AAK1: variants seen among roughly 807,000 people sequenced by gnomAD.
The protein encoded by AAK1 is AP2-associated protein kinase 1.
Under a neutral mutation model 116.0 loss-of-function variants are expected in AAK1, and 37 were observed. The observed-to-expected ratio is 0.32, with a 90% CI of 0.25 to 0.42. The LOEUF (loss-of-function observed/expected upper bound fraction) is 0.42. AAK1 is among the 10% of genes least tolerant of loss of function. The pLI is 1.00. For synonymous variants in AAK1, 458 were observed against 439.9 expected (o/e 1.04, Z -0.51); for missense variants, 919 against 1,170.6 (o/e 0.79, Z 3.14).
chr2:69,544,615 C>T, intron 3 of AAK1, 71 bp from the exon 4 acceptor site: 2 of 1,073,258 alleles, frequency 1.9e-6, no homozygotes, highest in Non-Finnish European at 2.8e-6. Context: ...CAGTCAGTTC[C>T]ATTAGCACAG....
rs1674307513 is a variant in AAK1 at position 69,460,256 on chromosome 2, C to T, written c.*15613G>A. On this transcript the variant is annotated 3_prime_UTR_variant, in exon 22 of 22. Coordinates refer to ENST00000409085, the MANE Select transcript of AAK1 (RefSeq NM_014911.5). The stretch of plus-strand genomic sequence containing the variant: ...TAAAGGGACCCAAGTGATTTTTAAG[C>T]TGTATTCTTCCTGCTAGAGAATGAA... The T allele has an allele frequency of 6.6e-6, 1 of 152,606 alleles. No homozygotes were observed. 9.5% of individuals were successfully genotyped at this position (152,606 alleles called of 1,614,324 possible). A position where few individuals can be genotyped will look rare whatever the true frequency, so the allele number is the denominator to read the frequency against.
At chr2:69,484,598 G>A (rs1258266648) in intron 17 of AAK1, among the ~76,000 whole-genome samples, 1 of 152,174 alleles carries the variant, frequency 6.6e-6, no homozygotes, top group Non-Finnish European at 1.5e-5. Context: ...TTCGAGACCA[G>A]CCTGGCCAAC....
intron 8 of AAK1, among the ~76,000 whole-genome samples, chr2:69,529,011 T>C (rs1389445907): frequency 3.3e-5 from 5 of 152,212 alleles, no homozygotes; most frequent in African/African-American, 1.2e-4. Context: ...TGTTAATAAA[T>C]GGAAGAGGCT....
chr2:69,611,912 T>C (rs1207228956), intron 2 of AAK1, among the ~76,000 whole-genome samples: 2 of 152,222 alleles, frequency 1.3e-5, no homozygotes, highest in African/African-American at 2.4e-5. Context: ...CAAAACACTC[T>C]ATGATTCCAT....
At chr2:69,485,963 T>C (rs1157895159) in intron 17 of AAK1, among the ~76,000 whole-genome samples, 1 of 151,908 alleles carries the variant, frequency 6.6e-6, no homozygotes, top group African/African-American at 2.4e-5. Flanking sequence ...CTGGCCTTTT[T>C]TTTTTTTAAG....
chr2:69,466,850 G>C lies in AAK1; in HGVS notation c.*9019C>G, dbSNP rs573668939. ...TGCTCCTACACACAGGGCCAGGCAC[G>C]GACACCTGCTCTACCTGGCACTGGC... On this transcript the variant is annotated 3_prime_UTR_variant, in exon 22 of 22. Transcript: ENST00000409085. 4.1e-6 allele frequency: 4 copies of C among 985,326 alleles called. No homozygotes were observed. In the African/African-American group the frequency reaches 5.2e-5, roughly 13 times the overall value. The allele number at this position is 985,326 out of a possible 1,614,324, so 61.0% of individuals were successfully genotyped here. A position where few individuals can be genotyped will look rare whatever the true frequency, so the allele number is the denominator to read the frequency against.
At chr2:69,619,453 A>T (rs969198501) in intron 2 of AAK1, among the ~76,000 whole-genome samples, 3 of 152,154 alleles carry the variant, frequency 2.0e-5, no homozygotes, top group Admixed American at 1.3e-4. Flanking sequence ...CCTTGATCTT[A>T]TTCATCCATC....
chr2:69,480,907 G>A lies in AAK1; in HGVS notation c.2522C>T (p.Pro841Leu). Residue 841 changes from proline to leucine, a missense_variant, in exon 19 of 22, where the codon CCC becomes CTC. Around this residue, in one of 4 missense-constraint regions of AAK1, gnomAD observed 263 missense variants for 285.5 expected, o/e 0.92. Coordinates refer to ENST00000409085, the MANE Select transcript of AAK1 (RefSeq NM_014911.5). ...TTCCGTCTGAGATGGGAGGCGCTGG[G>A]GAACTGGGGGCTCCAGTCCTGGTAT... Reference protein sequence around the residue: ...SLIPGLEPPVPQRLPSQTESV... With the variant: ...SLIPGLEPPVLQRLPSQTESV... 6.2e-7 allele frequency: 1 copy of A among 1,607,338 alleles called. No homozygotes were observed. The highest frequency in any genetic ancestry group is 8.5e-7 in the Non-Finnish European group (1 of 1,177,500).
chr2:69,635,057 A>G lies in AAK1; in HGVS notation c.163+7821T>C, dbSNP rs146794825. 4.6e-3 allele frequency among the ~76,000 whole-genome samples: 694 copies of G among 152,346 alleles called. 28 individuals are homozygous for G. The highest frequency in any genetic ancestry group is 0.043 in the Admixed American group (664 of 15,302). On this transcript the variant is annotated intron_variant, in intron 2 of 21. Transcript: ENST00000409085. ...ACAGAATGTGAGAAAATATCTGCAAATCATGTATCTGATAAGGAATTGATA... is the reference window on the plus strand; with the variant it reads ...ACAGAATGTGAGAAAATATCTGCAAGTCATGTATCTGATAAGGAATTGATA...
chr2:69,547,298 T>C (rs371229598), intron 3 of AAK1, among the ~76,000 whole-genome samples: 1 of 152,206 alleles, frequency 6.6e-6, no homozygotes, highest in Non-Finnish European at 1.5e-5. Flanking sequence ...GTGTTTCAAA[T>C]GGCACTATTA....
intron 9 of AAK1, among the ~76,000 whole-genome samples, chr2:69,525,897 T>C (rs1361336032): frequency 6.6e-6 from 1 of 151,942 alleles, no homozygotes; most frequent in African/African-American, 2.4e-5. Context: ...AAGACAGTCA[T>C]GTTTGGTTAC....
At chr2:69,587,307 G>GA (rs1672813030) in intron 2 of AAK1, among the ~76,000 whole-genome samples, 1 of 149,356 alleles carries the variant, frequency 6.7e-6, no homozygotes, top group South Asian at 2.1e-4. Context: ...ATATACGCAT[G>GA]TATATATACG....
At chr2:69,584,683 A>G (rs908434674) in intron 2 of AAK1, among the ~76,000 whole-genome samples, 3 of 152,208 alleles carry the variant, frequency 2.0e-5, no homozygotes, top group African/African-American at 7.2e-5. Flanking sequence ...GTGACACACC[A>G]TTGAACTAGA....
At chr2:69,603,955 A>G (rs1673688740) in intron 2 of AAK1, among the ~76,000 whole-genome samples, 1 of 152,202 alleles carries the variant, frequency 6.6e-6, no homozygotes, top group Non-Finnish European at 1.5e-5. Context: ...GTATTTTCCG[A>G]TAATAAGAGA....
chr2:69,640,348 T>C (rs1024839880), intron 2 of AAK1, among the ~76,000 whole-genome samples: 1 of 152,098 alleles, frequency 6.6e-6, no homozygotes, highest in Non-Finnish European at 1.5e-5. Flanking sequence ...TGAGAACCAC[T>C]GCCACAGGGA....
intron 17 of AAK1, among the ~76,000 whole-genome samples, chr2:69,490,947 T>A (rs1225213690): frequency 7.6e-6 from 1 of 130,982 alleles, no homozygotes; most frequent in Non-Finnish European, 1.6e-5. Flanking sequence ...ACACACACAC[T>A]TTTTAAGAGA....
Position 69,475,059 on chromosome 2 carries a change from TG to T in AAK1, c.*809del, listed in dbSNP as rs2104880262. 1.0e-6 allele frequency: 1 copy of T among 979,696 alleles called. No homozygotes were observed. The highest frequency in any genetic ancestry group is 4.8e-5 in the South Asian group (1 of 20,926). 60.7% of individuals were successfully genotyped at this position (979,696 alleles called of 1,614,324 possible). ...TTTGGTCTAATTCTGAGATCCCACTTGGAACAGTTAACATGAAAAGGAATGG... is the reference window on the plus strand; with the variant it reads ...TTTGGTCTAATTCTGAGATCCCACTTGAACAGTTAACATGAAAAGGAATGG... On this transcript the variant is annotated 3_prime_UTR_variant, in exon 22 of 22. Transcript: ENST00000409085.
intron 2 of AAK1, among the ~76,000 whole-genome samples, chr2:69,562,288 T>C (rs1671675272): frequency 6.6e-6 from 1 of 152,154 alleles, no homozygotes; most frequent in Non-Finnish European, 1.5e-5. Flanking sequence ...TGTAGTGACA[T>C]CTTGTTGTGG....
intron 2 of AAK1, among the ~76,000 whole-genome samples, chr2:69,615,206 A>G (rs1027651551): frequency 6.6e-6 from 1 of 152,116 alleles, no homozygotes; most frequent in African/African-American, 2.4e-5. Context: ...TGTCCTTTCC[A>G]TGTGGACTTC....
Sources: allele counts gnomAD v4.1 joint callset (sites outside exome capture counted in the v4.1 genomes callset), GRCh38; gene constraint gnomAD v4.1.1; regional missense constraint gnomAD v4.1.1; transcripts MANE v1.5; gene names NCBI Gene and HGNC (gene_info 2026-07-23, HGNC 2026-07-21).